RPL8: variants seen among roughly 807,000 people sequenced by gnomAD.
RPL8 encodes large ribosomal subunit protein uL2.
For synonymous variants in RPL8, 182 were observed against 143.2 expected (o/e 1.27, Z -1.94); for missense variants, 248 against 365.9 (o/e 0.68, Z 2.63).
rs763551887 is a variant in RPL8, at chr8:144,790,355, A to G, written c.615T>C (p.Asn205=). Reference sequence around the variant, plus strand: ...AACCCTGCATTTCTGGGTTACTTACATTCATGGCCACACCCCGTACTCGTG... The same window carrying G: ...AACCCTGCATTTCTGGGTTACTTACGTTCATGGCCACACCCCGTACTCGTG... ...CWPRVRGVAM[N]PVEHPFGGGN... Residue 205 remains asparagine (N), a splice_region_variant and synonymous_variant, in exon 4 of 5, where the codon AAT becomes AAC. Coordinates refer to ENST00000528957, the MANE Select transcript of RPL8 (RefSeq NM_001317782.2). 1.4e-5 allele frequency: 22 copies of G among 1,612,790 alleles called. No homozygotes were observed. The highest frequency in any genetic ancestry group is 5.3e-5 in the African/African-American group (4 of 74,790).
rs917614289 is a variant in RPL8, at chr8:144,792,218, G to A, written c.-89C>T. 1.4e-5 allele frequency: 19 copies of A among 1,390,298 alleles called. No homozygotes were observed. Among genetic ancestry groups the A allele is most frequent in the Admixed American group, 6.9e-5 (2 of 29,126 alleles). 86.1% of individuals were successfully genotyped at this position (1,390,298 alleles called of 1,614,324 possible). A position where few individuals can be genotyped will look rare whatever the true frequency, so the allele number is the denominator to read the frequency against. On this transcript the variant is annotated 5_prime_UTR_variant, in exon 1 of 5. Coordinates refer to ENST00000528957, the MANE Select transcript of RPL8 (RefSeq NM_001317782.2). ...CCCGGCTTTCCGGGACCCCGCCCCC[G>A]AGGCCGCCGCGCCCACCACTCCCTA... is the stretch of plus-strand genomic sequence containing the variant.
chr8:144,792,112 A>G lies in RPL8; in HGVS notation c.18T>C (p.Arg6=). 4 of 1,564,312 alleles carry G rather than the reference A, an allele frequency of 2.6e-6. No homozygotes were observed. Among genetic ancestry groups the G allele is most frequent in the Non-Finnish European group, 3.5e-6 (4 of 1,158,608 alleles). Reference sequence around the variant, plus strand: ...CAGACCCGGCGCCCTTCCTCTGTCCACGGATCACACGGCCCATGGCGACGG... The same window carrying G: ...CAGACCCGGCGCCCTTCCTCTGTCCGCGGATCACACGGCCCATGGCGACGG... MGRVI[R]GQRKGAGSVF... Residue 6 remains arginine (R), a synonymous_variant, in exon 1 of 5, where the codon CGT becomes CGC. Transcript: ENST00000528957.
At position 144,791,491 on chromosome 8, in the gene RPL8, C is replaced by T. The variant is rs550811383; in HGVS notation, c.285G>A (p.Gln95=). Residue 95 remains glutamine (Q), a synonymous_variant, in exon 3 of 5, where the codon CAG becomes CAA. Coordinates refer to ENST00000528957, the MANE Select transcript of RPL8 (RefSeq NM_001317782.2). ...GQFVYCGKKA[Q]LNIGNVLPVG... ...CAGGGAGCACATTGCCAATGTTGAGCTGGGCTGCAAGGGGAAGCAGCATCA... is the reference window on the plus strand; with the variant it reads ...CAGGGAGCACATTGCCAATGTTGAGTTGGGCTGCAAGGGGAAGCAGCATCA... 2 of 1,613,506 alleles carry T rather than the reference C, an allele frequency of 1.2e-6. No individual in the cohort carries two copies. Among genetic ancestry groups the T allele is most frequent in the South Asian group, 1.1e-5 (1 of 91,070 alleles).
At chr8:144,790,292 G>C (rs1442900144) in intron 4 of RPL8, 63 bp downstream of exon 4, 2 of 1,374,808 alleles carry the variant, frequency 1.5e-6, no homozygotes, top group Admixed American at 1.7e-5. Context: ...GATGGGACTT[G>C]CCTACCCAAC....
At chr8:144,790,231 C>G (rs1000119275) in intron 4 of RPL8, 124 bp downstream of exon 4, 2 of 848,242 alleles carry the variant, frequency 2.4e-6, no homozygotes, top group African/African-American at 1.7e-5. Context: ...CTACAAACCA[C>G]CACCTGCTGC....
intron 3 of RPL8, chr8:144,791,039 C>T (rs1386933359): frequency 1.8e-6 from 1 of 564,460 alleles, no homozygotes; most frequent in Non-Finnish European, 3.2e-6. Context: ...AATCCAAGAC[C>T]CTGGTGACTT....
chr8:144,791,600 C>A, intron 2 of RPL8, 105 bp from the exon 3 acceptor site: 1 of 1,470,670 alleles, frequency 6.8e-7, no homozygotes. Flanking sequence ...CAACATCCAG[C>A]CTCCCGGTAC....
rs150232934 is a variant in RPL8, at chr8:144,792,053, G to C, written c.77C>G (p.Ala26Gly). ...GAAATCCACGGCGCGCAGGCGCGCA[G>C]CGCCTTTACGGTGCTTCACGTGCGC... is the stretch of plus-strand genomic sequence containing the variant. ...FRAHVKHRKG[A>G]ARLRAVDFAE... The change falls in exon 1 of 5, where the codon GCT (alanine) becomes GGT (glycine). Residue 26 changes from alanine to glycine, a missense_variant. By Grantham distance (60) the Ala-to-Gly change is moderately conservative. Coordinates refer to ENST00000528957, the MANE Select transcript of RPL8 (RefSeq NM_001317782.2). The C allele has an allele frequency of 1.3e-5, 21 of 1,608,766 alleles. No homozygotes were observed. The East Asian group carries it at 2.5e-4, about 19-fold the overall frequency.
chr8:144,790,061 C>T, intron 4 of RPL8, 99 bp from the exon 5 acceptor site: 2 of 1,390,518 alleles, frequency 1.4e-6, no homozygotes, highest in Non-Finnish European at 1.9e-6. Flanking sequence ...CGCGAAGCCC[C>T]TCTCCACAGC....
chr8:144,792,129 T>TGGCGACGGGTCCTGGG lies in RPL8; in HGVS notation c.-16_-1dup. ...CTCTGTCCACGGATCACACGGCCCA[T>TGGCGACGGGTCCTGGG]GGCGACGGGTCCTGGGGGCGACTCA... is the stretch of plus-strand genomic sequence containing the variant. On this transcript the variant is annotated 5_prime_UTR_variant, in exon 1 of 5. Transcript: ENST00000528957. 5 of 1,527,242 alleles carry TGGCGACGGGTCCTGGG rather than the reference T, an allele frequency of 3.3e-6. No individual in the cohort carries two copies. The highest frequency in any genetic ancestry group is 4.4e-6 in the Non-Finnish European group (5 of 1,142,014). 94.6% of individuals were successfully genotyped at this position (1,527,242 alleles called of 1,614,324 possible).
Position 144,791,077 on chromosome 8 carries a change from A to G in RPL8, c.499+200T>C, listed in dbSNP as rs1826494201. The G allele has an allele frequency of 1.0e-5, 6 of 602,022 alleles. No homozygotes were observed. In the Admixed American group the frequency reaches 1.2e-4, roughly 12 times the overall value. The allele number at this position is 602,022 out of a possible 1,614,324, so 37.3% of individuals were successfully genotyped here. ...TCCCAATCTCATTTAACGCCTCAAC[A>G]GCAGTAAAGCAGGTACTGTTGTGCC... On this transcript the variant is annotated intron_variant, in intron 3 of 4. Coordinates refer to ENST00000528957, the MANE Select transcript of RPL8 (RefSeq NM_001317782.2).
rs1826567899 is a variant in RPL8 at position 144,792,342 on chromosome 8, C to A, written c.-213G>T. ...GGATGGCGGCGGATACTGCCCATGC[C>A]GCAAGGCCGCAAGGATGACCTACCT... is the stretch of plus-strand genomic sequence containing the variant. On this transcript the variant is annotated 5_prime_UTR_variant, in exon 1 of 5. Transcript: ENST00000528957. 1 of 731,868 alleles carries A rather than the reference C, an allele frequency of 1.4e-6. No homozygotes were observed. Among genetic ancestry groups the A allele is most frequent in the Non-Finnish European group, 1.9e-6 (1 of 514,670 alleles). The allele number at this position is 731,868 out of a possible 1,614,324, so 45.3% of individuals were successfully genotyped here. A position where few individuals can be genotyped will look rare whatever the true frequency, so the allele number is the denominator to read the frequency against.
chr8:144,792,184 C>T lies in RPL8; in HGVS notation c.-55G>A, dbSNP rs1826559667. 7.0e-7 allele frequency: 1 copy of T among 1,432,498 alleles called. No homozygotes were observed. 88.7% of individuals were successfully genotyped at this position (1,432,498 alleles called of 1,614,324 possible). ...TAGCGCGGCCGGGCGGCCCGGGTACCCCCGCCAGCCCGGCTTTCCGGGACC... is the reference window on the plus strand; with the variant it reads ...TAGCGCGGCCGGGCGGCCCGGGTACTCCCGCCAGCCCGGCTTTCCGGGACC... On this transcript the variant is annotated 5_prime_UTR_variant, in exon 1 of 5. Transcript: ENST00000528957.
At chr8:144,790,880 C>A in intron 3 of RPL8, 1 of 509,030 alleles carries the variant, frequency 2.0e-6, no homozygotes, top group East Asian at 5.2e-5. Flanking sequence ...CAAGATGTTC[C>A]CAAACAGCAC....
chr8:144,791,605 C>T lies in RPL8; in HGVS notation c.281-110G>A, dbSNP rs191620954. 1,380 of 1,466,172 alleles carry T rather than the reference C, an allele frequency of 9.4e-4. 7 individuals are homozygous for T. The African/African-American group carries it at 0.012, about 13-fold the overall frequency. 90.8% of individuals were successfully genotyped at this position (1,466,172 alleles called of 1,614,324 possible). ...GCACAGCATTCAACATCCAGCCTCC[C>T]GGTACAACTCTCTCGGCACCCACCG... On this transcript the variant is annotated intron_variant, in intron 2 of 4. Coordinates refer to ENST00000528957, the MANE Select transcript of RPL8 (RefSeq NM_001317782.2).
intron 4 of RPL8, among the ~76,000 whole-genome samples, 180 bp from the exon 5 acceptor site, chr8:144,790,142 C>T (rs543991615): frequency 6.6e-6 from 1 of 151,340 alleles, no homozygotes; most frequent in East Asian, 1.9e-4. Flanking sequence ...TCCCAGCCTC[C>T]GTTTCTTGCG....
Position 144,790,746 on chromosome 8 carries a change from T to A in RPL8, c.500-276A>T, listed in dbSNP as rs968875035. The A allele has an allele frequency of 4.6e-6, 3 of 648,706 alleles. No individual in the cohort carries two copies. The African/African-American group carries it at 5.4e-5, about 12-fold the overall frequency. The allele number at this position is 648,706 out of a possible 1,614,324, so 40.2% of individuals were successfully genotyped here. A position where few individuals can be genotyped will look rare whatever the true frequency, so the allele number is the denominator to read the frequency against. On this transcript the variant is annotated intron_variant, in intron 3 of 4. Transcript: ENST00000528957. ...CACCCCCCTCACCATGTGTGAGACGTCAGGCCGGCCACTCAACCTGACGTA... is the reference window on the plus strand; with the variant it reads ...CACCCCCCTCACCATGTGTGAGACGACAGGCCGGCCACTCAACCTGACGTA...
intron 4 of RPL8, 103 bp from the exon 5 acceptor site, chr8:144,790,065 C>T (rs1826444667): frequency 7.3e-7 from 1 of 1,369,144 alleles, no homozygotes; most frequent in Non-Finnish European, 9.8e-7. Context: ...AAGCCCCTCT[C>T]CACAGCATGT....
Position 144,789,794 on chromosome 8 carries a change from GC to G in RPL8, c.*9del, listed in dbSNP as rs748791733. On this transcript the variant is annotated 3_prime_UTR_variant, in exon 5 of 5. Coordinates refer to ENST00000528957, the MANE Select transcript of RPL8 (RefSeq NM_001317782.2). ...TGGCATAAACACAAACTTTATTGAG[GC>G]CCTCAGCACTAGTTCTCTTTCTCCT... 3.1e-6 allele frequency: 5 copies of G among 1,613,424 alleles called. No homozygotes were observed. The highest frequency in any genetic ancestry group is 4.2e-6 in the Non-Finnish European group (5 of 1,179,818).
Sources: allele counts gnomAD v4.1 joint callset (sites outside exome capture counted in the v4.1 genomes callset), GRCh38; gene constraint gnomAD v4.1.1; transcripts MANE v1.5; gene names NCBI Gene and HGNC (gene_info 2026-07-23, HGNC 2026-07-21).